The following ANKRD12 variants were observed in gnomAD, a reference collection of about 807,000 sequenced individuals.
ANKRD12 encodes ankyrin repeat domain 12.
A neutral mutation model predicts 183.4 loss-of-function variants in ANKRD12; 85 were observed. The observed-to-expected ratio is 0.46, with a 90% CI of 0.39 to 0.56. ANKRD12 has a LOEUF of 0.56. ANKRD12 is among the 20% of genes least tolerant of loss of function. ANKRD12 has a pLI of 0.00. For synonymous variants in ANKRD12, 914 were observed against 800.2 expected (o/e 1.14, Z -2.40); for missense variants, 2,405 against 2,357.1 (o/e 1.02, Z -0.42).
intron 7 of ANKRD12, among the ~76,000 whole-genome samples, chr18:9,219,573 C>G (rs1480697316): frequency 1.3e-5 from 2 of 151,936 alleles, no homozygotes; most frequent in African/African-American, 2.4e-5. Flanking sequence ...GCCACATACT[C>G]CCTCCTTCAC....
At chr18:9,212,129 G>T (rs1014844629) in intron 6 of ANKRD12, among the ~76,000 whole-genome samples, 31 of 152,108 alleles carry the variant, frequency 2.0e-4, no homozygotes, top group African/African-American at 7.0e-4. Context: ...TTATTAACTT[G>T]AACCATGAGG....
chr18:9,212,949 A>G (rs1195725226), intron 6 of ANKRD12, among the ~76,000 whole-genome samples: 2 of 151,832 alleles, frequency 1.3e-5, no homozygotes, highest in Non-Finnish European at 3.0e-5. Context: ...TTTTTAATCT[A>G]CAAGAGCCTT....
chr18:9,139,006 T>A (rs2078225414), intron 1 of ANKRD12, among the ~76,000 whole-genome samples: 1 of 152,210 alleles, frequency 6.6e-6, no homozygotes, highest in Non-Finnish European at 1.5e-5. Context: ...CTTTTAATGT[T>A]CTTAATCTTG....
chr18:9,198,977 A>C (rs906879150), intron 3 of ANKRD12, among the ~76,000 whole-genome samples: 4 of 152,160 alleles, frequency 2.6e-5, no homozygotes, highest in Non-Finnish European at 5.9e-5. Context: ...TCAATGAAGA[A>C]ATAGATTTTT....
At chr18:9,192,704 T>C (rs2034528880) in intron 2 of ANKRD12, among the ~76,000 whole-genome samples, 3 of 109,310 alleles carry the variant, frequency 2.7e-5, no homozygotes, top group Admixed American at 1.1e-4. Context: ...TCTTTTTTTT[T>C]CCTCCTTTTT....
At chr18:9,152,163 C>A (rs747071726) in intron 1 of ANKRD12, among the ~76,000 whole-genome samples, 7 of 152,176 alleles carry the variant, frequency 4.6e-5, no homozygotes, top group Non-Finnish European at 1.0e-4. Flanking sequence ...GGAGATGCCC[C>A]CTTCTTTTTC....
intron 8 of ANKRD12, among the ~76,000 whole-genome samples, chr18:9,228,438 A>G (rs1025361414): frequency 1.4e-4 from 21 of 152,320 alleles, no homozygotes; most frequent in Non-Finnish European, 2.2e-4. Context: ...TCCCACTAAC[A>G]GTGTAAAAGA....
intron 8 of ANKRD12, chr18:9,249,986 T>TAG (rs907641237): frequency 1.3e-5 from 2 of 152,210 alleles, no homozygotes; most frequent in Non-Finnish European, 2.9e-5. Flanking sequence ...CATCTCTTAG[T>TAG]AGATGGCCTT....
chr18:9,195,838 G>A, intron 3 of ANKRD12, 140 bp downstream of exon 3: 2 of 809,154 alleles, frequency 2.5e-6, no homozygotes, highest in Middle Eastern at 2.5e-4. Flanking sequence ...TCATTTTGGG[G>A]TAGGAATTCC....
intron 2 of ANKRD12, among the ~76,000 whole-genome samples, chr18:9,188,019 A>G (rs2034214341): frequency 6.6e-6 from 1 of 152,256 alleles, no homozygotes; most frequent in South Asian, 2.1e-4. Context: ...GAAATTACCT[A>G]TTACCTTGTC....
At chr18:9,236,652 A>T (rs1474135811) in intron 8 of ANKRD12, among the ~76,000 whole-genome samples, 2 of 56,642 alleles carry the variant, frequency 3.5e-5, no homozygotes, top group African/African-American at 1.1e-4. Context: ...ACGTAACAGA[A>T]CTAACGTGTA....
chr18:9,172,968 C>T (rs963462014), intron 1 of ANKRD12, among the ~76,000 whole-genome samples: 2 of 151,770 alleles, frequency 1.3e-5, no homozygotes, highest in South Asian at 2.1e-4. Context: ...GTGGCACAAT[C>T]CCAGCTTACT....
At chr18:9,206,644 T>C (rs2035502454) in intron 4 of ANKRD12, among the ~76,000 whole-genome samples, 1 of 152,084 alleles carries the variant, frequency 6.6e-6, no homozygotes, top group Admixed American at 6.5e-5. Flanking sequence ...ATAGAGTTTA[T>C]ATTGGATGCT....
Position 9,257,826 on chromosome 18 carries a change from G to C in ANKRD12, c.4559G>C (p.Gly1520Ala). The stretch of plus-strand genomic sequence containing the variant: ...TCATATGTTGCTAATCAAGAGCCAG[G>C]TATTTTACAACAAAAAAATGCAGTT... The part of the protein sequence containing the change: ...SLSYVANQEP[G>A]ILQQKNAVQI... The change falls in exon 9 of 13, where the codon GGT (glycine) becomes GCT (alanine). Residue 1520 changes from glycine (G) to alanine (A), a missense_variant. Coordinates refer to ENST00000262126, the MANE Select transcript of ANKRD12 (RefSeq NM_015208.5). 2.5e-6 allele frequency: 4 copies of C among 1,613,624 alleles called. No homozygotes were observed. Among genetic ancestry groups the C allele is most frequent in the Non-Finnish European group, 3.4e-6 (4 of 1,179,882 alleles).
intron 8 of ANKRD12, among the ~76,000 whole-genome samples, chr18:9,239,912 CT>C (rs2037562035): frequency 6.6e-6 from 1 of 152,126 alleles, no homozygotes; most frequent in South Asian, 2.1e-4. Flanking sequence ...AGTCATTGTG[CT>C]TTATGCCAGT....
intron 7 of ANKRD12, among the ~76,000 whole-genome samples, chr18:9,219,455 A>T (rs2036292503): frequency 6.6e-6 from 1 of 152,206 alleles, no homozygotes; most frequent in Admixed American, 6.5e-5. Context: ...GAAGAAACAA[A>T]TATTTTGGAA....
intron 1 of ANKRD12, among the ~76,000 whole-genome samples, chr18:9,176,126 T>G (rs1050461072): frequency 2.6e-5 from 4 of 152,212 alleles, no homozygotes; most frequent in African/African-American, 9.6e-5. Context: ...AGCGTTAGTT[T>G]AGTGACATTG....
chr18:9,152,800 A>G (rs1471809378), intron 1 of ANKRD12, among the ~76,000 whole-genome samples: 2 of 152,092 alleles, frequency 1.3e-5, no homozygotes, highest in Non-Finnish European at 2.9e-5. Context: ...TCTAAGCCAG[A>G]TAAGTCCTTT....
intron 8 of ANKRD12, among the ~76,000 whole-genome samples, chr18:9,230,805 C>A (rs565596735): frequency 1.3e-5 from 2 of 151,738 alleles, no homozygotes; most frequent in Non-Finnish European, 2.9e-5. Flanking sequence ...ACTACAGATG[C>A]GTGCCATCAC....
Sources: allele counts gnomAD v4.1 joint callset (sites outside exome capture counted in the v4.1 genomes callset), GRCh38; gene constraint gnomAD v4.1.1; transcripts MANE v1.5; gene names NCBI Gene and HGNC (gene_info 2026-07-23, HGNC 2026-07-21).